Variants in CACNA1A observed in about 807,000 individuals in gnomAD.
CACNA1A encodes the protein calcium voltage-gated channel subunit alpha1 A.
CACNA1A carries 57 observed loss-of-function variants against 262.4 expected under a neutral mutation model. That is an observed-to-expected ratio of 0.22 (90% confidence interval 0.18 to 0.27). CACNA1A has a LOEUF of 0.27. CACNA1A is among the 10% of genes least tolerant of loss of function. The probability of loss-of-function intolerance (pLI) is 1.00; values close to 1 mark genes in which losing one functional copy is unlikely to be tolerated. For synonymous variants in CACNA1A, 1,431 were observed against 1,419.3 expected (o/e 1.01, Z -0.18); for missense variants, 2,526 against 3,562.8 (o/e 0.71, Z 7.41).
chr19:13,482,049 G>A (rs969652937), intron 1 of CACNA1A, among the ~76,000 whole-genome samples: 5 of 151,984 alleles, frequency 3.3e-5, no homozygotes, highest in East Asian at 1.9e-4. Context: ...TGGAGAACAC[G>A]GAAAGATTTT....
At chr19:13,385,921 C>T (rs2059604567) in intron 3 of CACNA1A, among the ~76,000 whole-genome samples, 1 of 151,982 alleles carries the variant, frequency 6.6e-6, no homozygotes, top group Non-Finnish European at 1.5e-5. Flanking sequence ...CTTTGGGAGG[C>T]TGAGGCAGGA....
At chr19:13,461,145 G>A (rs2061114329) in intron 1 of CACNA1A, among the ~76,000 whole-genome samples, 1 of 152,042 alleles carries the variant, frequency 6.6e-6, no homozygotes, top group Admixed American at 6.6e-5. Context: ...TTCGAGACCA[G>A]CCTGGCCAAC....
intron 31 of CACNA1A, among the ~76,000 whole-genome samples, chr19:13,240,442 G>T (rs2056037987): frequency 6.6e-6 from 1 of 151,960 alleles, no homozygotes; most frequent in Non-Finnish European, 1.5e-5. Context: ...AGTGTGTGCA[G>T]TGTATGTGTG....
chr19:13,301,896 C>T (rs977598407), intron 17 of CACNA1A, among the ~76,000 whole-genome samples: 3 of 152,028 alleles, frequency 2.0e-5, no homozygotes, highest in Non-Finnish European at 4.4e-5. Context: ...CCCCACCCCT[C>T]CTGGCACCAT....
Position 13,330,965 on chromosome 19 carries a change from C to T in CACNA1A, c.1256-632G>A, listed in dbSNP as rs2058457541. Among the ~76,000 whole-genome samples the T allele has an allele frequency of 2.6e-5, 4 of 152,276 alleles. No individual in the cohort carries two copies. The South Asian group carries it at 8.3e-4, about 32-fold the overall frequency. On this transcript the variant is annotated intron_variant, in intron 9 of 46. Transcript: ENST00000360228. Reference sequence around the variant, plus strand: ...CTTGACCTGTAGCATACTCGCTAGGCAGGCTGCAATTTTGGGATTCTGCCC... The same window carrying T: ...CTTGACCTGTAGCATACTCGCTAGGTAGGCTGCAATTTTGGGATTCTGCCC...
chr19:13,371,842 G>A (rs1053452467), intron 3 of CACNA1A, 63 bp from the exon 4 acceptor site: 9 of 1,198,962 alleles, frequency 7.5e-6, no homozygotes, highest in Non-Finnish European at 9.7e-6. Context: ...CAGCAGGGCG[G>A]GGGTGCTTGG....
intron 10 of CACNA1A, among the ~76,000 whole-genome samples, chr19:13,322,983 T>C (rs957154692): frequency 1.3e-5 from 2 of 152,152 alleles, no homozygotes; most frequent in African/African-American, 2.4e-5. Context: ...TGATAATAGC[T>C]ACTCTAGGCT....
chr19:13,430,946 GGAACAGCCTGT>G (rs1168085657), intron 3 of CACNA1A, among the ~76,000 whole-genome samples: 1 of 151,902 alleles, frequency 6.6e-6, no homozygotes, highest in Non-Finnish European at 1.5e-5. Context: ...CCAGGCAGAG[GGAACAGCCTGT>G]GCAAAGGCCC....
rs751665229 is a variant in CACNA1A, at chr19:13,365,304, T to C, written c.784+13A>G. ...AGAAAACTGGAAAGATGCATCATGCTCCGTGGACCTACCTGTCCCCTCTTC... is the reference window on the plus strand; with the variant it reads ...AGAAAACTGGAAAGATGCATCATGCCCCGTGGACCTACCTGTCCCCTCTTC... On this transcript the variant is annotated intron_variant, in intron 5 of 46. Transcript: ENST00000360228. The C allele has an allele frequency of 6.2e-7, 1 of 1,606,778 alleles. No individual in the cohort carries two copies. Among genetic ancestry groups the C allele is most frequent in the Admixed American group, 1.7e-5 (1 of 59,666 alleles).
At chr19:13,449,574 T>C (rs1381812035) in intron 3 of CACNA1A, among the ~76,000 whole-genome samples, 3 of 152,178 alleles carry the variant, frequency 2.0e-5, no homozygotes, top group Non-Finnish European at 4.4e-5. Context: ...GCCTCCAAAA[T>C]TGCTAGGATT....
intron 3 of CACNA1A, among the ~76,000 whole-genome samples, chr19:13,394,602 G>A (rs949022471): frequency 6.6e-6 from 1 of 152,042 alleles, no homozygotes; most frequent in African/African-American, 2.4e-5. Flanking sequence ...TGGCTTTAAC[G>A]ACCATTTCCC....
Position 13,317,209 on chromosome 19 carries a change from C to T in CACNA1A, c.1458G>A (p.Gln486=), listed in dbSNP as rs1466040526. The stretch of plus-strand genomic sequence containing the variant: ...AACTGAGTACAGTCCAGTAGAAGGC[C>T]TGAGTTTTGACCATGCGGCGGATGT... ...RFYIRRMVKT[Q]AFYWTVLSLV... Residue 486 remains glutamine (Q), a synonymous_variant, in exon 11 of 47, where the codon CAG becomes CAA. Transcript: ENST00000360228. 2 of 1,613,770 alleles carry T rather than the reference C, an allele frequency of 1.2e-6. No individual in the cohort carries two copies. The highest frequency in any genetic ancestry group is 2.7e-5 in the African/African-American group (2 of 75,040).
intron 1 of CACNA1A, among the ~76,000 whole-genome samples, chr19:13,464,988 G>A (rs1269720287): frequency 2.0e-5 from 3 of 151,826 alleles, no homozygotes; most frequent in Non-Finnish European, 2.9e-5. Flanking sequence ...GAGTGCAATG[G>A]TGCAATCTCG....
chr19:13,230,543 G>A (rs2055624823), intron 35 of CACNA1A, among the ~76,000 whole-genome samples: 1 of 152,198 alleles, frequency 6.6e-6, no homozygotes, highest in East Asian at 1.9e-4. Flanking sequence ...GGTGGATCAC[G>A]CCTGTAATCC....
intron 1 of CACNA1A, among the ~76,000 whole-genome samples, chr19:13,494,340 G>C (rs1034692533): frequency 5.3e-5 from 8 of 152,196 alleles, no homozygotes; most frequent in Admixed American, 5.2e-4. Context: ...TCTTGGAGGA[G>C]GTAACTTTTG....
chr19:13,410,100 T>C (rs540495966), intron 3 of CACNA1A, among the ~76,000 whole-genome samples: 24 of 152,298 alleles, frequency 1.6e-4, no homozygotes, highest in Non-Finnish European at 3.1e-4. Flanking sequence ...ACCTTCCACC[T>C]GTACACCAAA....
intron 11 of CACNA1A, chr19:13,316,893 TG>T (rs1360615551): frequency 2.3e-6 from 1 of 430,354 alleles, no homozygotes; most frequent in Non-Finnish European, 4.1e-6. Context: ...TTTGTTGGTC[TG>T]AATTCCAGCT....
chr19:13,248,446 G>A (rs1430472875), intron 30 of CACNA1A, among the ~76,000 whole-genome samples: 1 of 151,308 alleles, frequency 6.6e-6, no homozygotes, highest in Non-Finnish European at 1.5e-5. Context: ...GAAAGCAGAG[G>A]GGAAGCTCAG....
intron 1 of CACNA1A, among the ~76,000 whole-genome samples, chr19:13,463,597 T>C (rs1380831636): frequency 1.3e-5 from 2 of 152,200 alleles, no homozygotes; most frequent in African/African-American, 4.8e-5. Flanking sequence ...CAGCAGCAAC[T>C]ATTAACACTC....
Sources: gnomAD v4.1 joint callset for allele counts (sites outside exome capture counted in the v4.1 genomes callset) on GRCh38, gnomAD v4.1.1 for gene constraint, MANE v1.5 for transcripts, NCBI Gene and HGNC (gene_info 2026-07-23, HGNC 2026-07-21) for gene names.